Variants in ZCCHC7 observed in about 807,000 individuals in gnomAD.
The protein encoded by ZCCHC7 is zinc finger CCHC-type containing 7.
Under a neutral mutation model 52.0 loss-of-function variants are expected in ZCCHC7, and 35 were observed. The ratio of observed to expected loss-of-function variants is 0.67; its 90% CI spans 0.51 to 0.89. ZCCHC7 has a LOEUF of 0.89. Among genes scored for constraint, ZCCHC7 ranks in the 40% least tolerant of loss-of-function variants. The probability of loss-of-function intolerance (pLI) is 0.00; values close to 1 mark genes in which losing one functional copy is unlikely to be tolerated. For synonymous variants in ZCCHC7, 217 were observed against 221.5 expected, an observed-to-expected ratio of 0.98 and a Z score of 0.18; for missense variants, 574 against 649.1, an observed-to-expected ratio of 0.88 and a Z score of 1.26.
chr9:37,257,163 A>T (rs1459635977), intron 2 of ZCCHC7, among the ~76,000 whole-genome samples: 1 of 152,220 alleles, frequency 6.6e-6, no homozygotes. Flanking sequence ...TGGAAGGGCA[A>T]ATCAATATGG....
At chr9:37,324,449 T>G (rs1179669882) in intron 5 of ZCCHC7, among the ~76,000 whole-genome samples, 1 of 152,236 alleles carries the variant, frequency 6.6e-6, no homozygotes, top group East Asian at 1.9e-4. Context: ...TATGTCACTC[T>G]TTATTCAGAG....
intron 6 of ZCCHC7, among the ~76,000 whole-genome samples, chr9:37,348,729 T>G (rs1821179189): frequency 6.6e-6 from 1 of 152,122 alleles, no homozygotes; most frequent in Non-Finnish European, 1.5e-5. Flanking sequence ...AAGCTCATGC[T>G]CCTTTACTTG....
chr9:37,242,566 A>T (rs941363013), intron 2 of ZCCHC7, among the ~76,000 whole-genome samples: 9 of 151,748 alleles, frequency 5.9e-5, no homozygotes, highest in Non-Finnish European at 1.2e-4. Context: ...TTATATCAGA[A>T]ATTTGTACTC....
At chr9:37,195,956 C>T (rs1248011087) in intron 2 of ZCCHC7, among the ~76,000 whole-genome samples, 1 of 152,034 alleles carries the variant, frequency 6.6e-6, no homozygotes, top group Non-Finnish European at 1.5e-5. Flanking sequence ...AATTCAACTA[C>T]TGATAGCAAT....
chr9:37,130,777 T>C (rs896717959), intron 2 of ZCCHC7, among the ~76,000 whole-genome samples: 6 of 151,676 alleles, frequency 4.0e-5, no homozygotes, highest in Non-Finnish European at 5.9e-5. Flanking sequence ...ATTACAGGCG[T>C]GAGCCACTGC....
intron 2 of ZCCHC7, among the ~76,000 whole-genome samples, chr9:37,127,693 G>T (rs1842603740): frequency 1.3e-5 from 2 of 152,130 alleles, no homozygotes; most frequent in Non-Finnish European, 2.9e-5. Flanking sequence ...GTACACTGTT[G>T]TTAAAACTGG....
intron 2 of ZCCHC7, among the ~76,000 whole-genome samples, chr9:37,277,646 C>T (rs1266189048): frequency 6.6e-6 from 1 of 152,146 alleles, no homozygotes; most frequent in East Asian, 1.9e-4. Context: ...CTAATGGCTA[C>T]ACCATGGGGG....
chr9:37,247,673 C>T (rs1049313157), intron 2 of ZCCHC7, among the ~76,000 whole-genome samples: 55 of 151,924 alleles, frequency 3.6e-4, no homozygotes, highest in African/African-American at 1.3e-3. Context: ...TTGGGAAGGG[C>T]CAAGGTAGGA....
In ZCCHC7 at chr9:37,238,768, T is replaced by C. The variant is rs987209648; in HGVS notation, c.611-63420T>C. 1.9e-4 allele frequency among the ~76,000 whole-genome samples: 29 copies of C among 152,054 alleles called. 1 individual carries two copies. Among genetic ancestry groups the C allele is most frequent in the Admixed American group, 1.0e-3 (16 of 15,266 alleles). ...CATTTGCCCCACCGCAGACTTGGCATGTCGAATAAATGTGATGGCAGCAAT... is the reference window on the plus strand; with the variant it reads ...CATTTGCCCCACCGCAGACTTGGCACGTCGAATAAATGTGATGGCAGCAAT... On this transcript the variant is annotated intron_variant, in intron 2 of 8. Coordinates refer to ENST00000336755, the MANE Select transcript of ZCCHC7 (RefSeq NM_032226.3).
At chr9:37,127,180 C>T (rs1431731163) in intron 2 of ZCCHC7, among the ~76,000 whole-genome samples, 1 of 152,180 alleles carries the variant, frequency 6.6e-6, no homozygotes, top group Admixed American at 6.5e-5. Context: ...TAAGCAGATT[C>T]ATAGCTGCTT....
At chr9:37,142,228 A>C (rs941066284) in intron 2 of ZCCHC7, among the ~76,000 whole-genome samples, 2 of 151,746 alleles carry the variant, frequency 1.3e-5, no homozygotes, top group African/African-American at 2.4e-5. Flanking sequence ...GCTAAAAAAA[A>C]CCTTGTAATG....
chr9:37,343,587 A>G (rs769597739), intron 6 of ZCCHC7, among the ~76,000 whole-genome samples: 6 of 152,234 alleles, frequency 3.9e-5, no homozygotes, highest in Non-Finnish European at 7.3e-5. Flanking sequence ...AATTTAGGCA[A>G]TAAAGTAACT....
intron 5 of ZCCHC7, chr9:37,327,554 C>A (rs1055850059): frequency 2.4e-5 from 10 of 421,472 alleles, no homozygotes; most frequent in African/African-American, 1.8e-4. Context: ...AAACTTGTAA[C>A]CTGAAAAGAA....
intron 7 of ZCCHC7, 92 bp downstream of exon 7, chr9:37,349,544 T>A: frequency 8.2e-7 from 1 of 1,223,510 alleles, no homozygotes; most frequent in South Asian, 1.4e-5. Context: ...CTCTAAATAC[T>A]TACTTTTTAA....
intron 2 of ZCCHC7, among the ~76,000 whole-genome samples, chr9:37,171,692 T>C (rs895621698): frequency 1.3e-5 from 2 of 152,162 alleles, no homozygotes; most frequent in East Asian, 3.9e-4. Flanking sequence ...TGACATCTTC[T>C]TGAACCTCTG....
chr9:37,289,695 C>A (rs527491537), intron 2 of ZCCHC7, among the ~76,000 whole-genome samples: 1 of 152,116 alleles, frequency 6.6e-6, no homozygotes, highest in South Asian at 2.1e-4. Context: ...ATTACTCTTA[C>A]GAGTTTTTGT....
rs575971103 is a variant in ZCCHC7, at chr9:37,263,849, T to A, written c.611-38339T>A. ...ACCCTAATCAATACTTTAAAATTAC[T>A]TATGAAGCAAATTATTAAGAGTAAC... is the stretch of plus-strand genomic sequence containing the variant. On this transcript the variant is annotated intron_variant, in intron 2 of 8. Coordinates refer to ENST00000336755, the MANE Select transcript of ZCCHC7 (RefSeq NM_032226.3). Among the ~76,000 whole-genome samples the A allele has an allele frequency of 1.6e-3, 250 of 152,340 alleles. 3 individuals carry two copies. In the South Asian group the frequency reaches 0.017, roughly 11 times the overall value.
intron 2 of ZCCHC7, among the ~76,000 whole-genome samples, chr9:37,174,910 G>C (rs1821933978): frequency 6.6e-6 from 1 of 152,002 alleles, no homozygotes; most frequent in Non-Finnish European, 1.5e-5. Flanking sequence ...GCCGAGGCAG[G>C]CAGATCACTT....
At chr9:37,235,048 G>T (rs1277663214) in intron 2 of ZCCHC7, among the ~76,000 whole-genome samples, 1 of 152,154 alleles carries the variant, frequency 6.6e-6, no homozygotes, top group African/African-American at 2.4e-5. Flanking sequence ...GGGTAGTAGT[G>T]TATCCATCAC....
Sources: gnomAD v4.1 joint callset for allele counts (sites outside exome capture counted in the v4.1 genomes callset) on GRCh38, gnomAD v4.1.1 for gene constraint, MANE v1.5 for transcripts, NCBI Gene and HGNC (gene_info 2026-07-23, HGNC 2026-07-21) for gene names.